SLCO3A1: variants seen among roughly 807,000 people sequenced by gnomAD.
The protein encoded by SLCO3A1 is solute carrier organic anion transporter family member 3A1, also known as PGE1 transporter.
SLCO3A1 carries 27 observed loss-of-function variants against 63.1 expected under a neutral mutation model. The observed-to-expected ratio is 0.43, with a 90% CI of 0.32 to 0.59. SLCO3A1 has a LOEUF of 0.59. Ranked by LOEUF, SLCO3A1 falls within the 20% of genes least tolerant of loss-of-function variation. SLCO3A1 has a pLI of 0.09. For missense variants in SLCO3A1, 773 were observed against 945.8 expected, an observed-to-expected ratio of 0.82 and a Z score of 2.40; for synonymous variants, 473 against 409.9, an observed-to-expected ratio of 1.15 and a Z score of -1.86.
In SLCO3A1 at chr15:92,147,056, A is replaced by G. The variant is rs1171113585; in HGVS notation, c.1585A>G (p.Ser529Gly). Residue 529 changes from serine to glycine, a missense_variant, in exon 8 of 10, where the codon AGT becomes GGT. Ser to Gly is a moderately conservative substitution (Grantham distance 56). This residue lies in a region of SLCO3A1 where 565 missense variants were observed against 749.8 expected (regional missense o/e 0.75). Transcript: ENST00000318445. Reference sequence around the variant, plus strand: ...AACCGTGGTTCCTGGAAAATGCCCCAGTCCTGGGTGCCAAGAGGCCTTCCT... The same window carrying G: ...AACCGTGGTTCCTGGAAAATGCCCCGGTCCTGGGTGCCAAGAGGCCTTCCT... ...NATVVPGKCP[S>G]PGCQEAFLTF... The G allele has an allele frequency of 6.2e-7, 1 of 1,614,226 alleles. No individual in the cohort carries two copies. The highest frequency in any genetic ancestry group is 8.5e-7 in the Non-Finnish European group (1 of 1,180,030).
rs1301869403 is a variant in SLCO3A1 at position 92,133,356 on chromosome 15, A to C, written c.1512+4867A>C. ...TCTCTTTTTTCTTCTCACCATGACCATATTTGCCCACTATAAAAACCAACT... is the reference window on the plus strand; with the variant it reads ...TCTCTTTTTTCTTCTCACCATGACCCTATTTGCCCACTATAAAAACCAACT... On this transcript the variant is annotated intron_variant, in intron 7 of 9. Transcript: ENST00000318445. Among the ~76,000 whole-genome samples, 4 of 146,258 alleles carry C rather than the reference A, an allele frequency of 2.7e-5. 1 individual carries two copies. The highest frequency in any genetic ancestry group is 9.9e-5 in the African/African-American group (4 of 40,300).
intron 1 of SLCO3A1, among the ~76,000 whole-genome samples, chr15:91,914,623 G>A (rs901422963): frequency 1.4e-5 from 2 of 144,100 alleles, no homozygotes; most frequent in African/African-American, 5.2e-5. Context: ...AAACTGGAGT[G>A]CAGTGGTGTG....
intron 2 of SLCO3A1, among the ~76,000 whole-genome samples, chr15:91,917,610 G>C (rs912169742): frequency 2.0e-5 from 3 of 152,186 alleles, no homozygotes; most frequent in Admixed American, 2.0e-4. Context: ...CCATTCAGAG[G>C]ATGGAGCACC....
At chr15:91,971,890 G>A (rs1900889530) in intron 2 of SLCO3A1, among the ~76,000 whole-genome samples, 1 of 152,148 alleles carries the variant, frequency 6.6e-6, no homozygotes, top group South Asian at 2.1e-4. Flanking sequence ...TGCAGTTTGA[G>A]TATCCCTGAT....
At chr15:91,906,187 A>G (rs951949195) in intron 1 of SLCO3A1, among the ~76,000 whole-genome samples, 2 of 152,140 alleles carry the variant, frequency 1.3e-5, no homozygotes, top group Admixed American at 6.5e-5. Context: ...AGTAATAACA[A>G]ATGTTCAACA....
intron 7 of SLCO3A1, among the ~76,000 whole-genome samples, chr15:92,144,742 G>A (rs560121793): frequency 1.3e-5 from 2 of 152,324 alleles, no homozygotes; most frequent in East Asian, 3.9e-4. Context: ...GCGAATTCGG[G>A]GGAGATACTT....
intron 2 of SLCO3A1, among the ~76,000 whole-genome samples, chr15:92,004,180 G>GA (rs1188969933): frequency 6.6e-6 from 1 of 152,172 alleles, no homozygotes; most frequent in Admixed American, 6.5e-5. Flanking sequence ...GAAAGGTGGA[G>GA]AGCCATGCTG....
At position 91,862,247 on chromosome 15, in the gene SLCO3A1, G is replaced by A. The variant is rs1031146475; in HGVS notation, c.180+8159G>A. 1.4e-4 allele frequency among the ~76,000 whole-genome samples: 21 copies of A among 151,514 alleles called. No homozygotes were observed. Among genetic ancestry groups the A allele is most frequent in the African/African-American group, 4.6e-4 (19 of 41,220 alleles). Reference sequence around the variant, plus strand: ...CAGCTCACTGCAACCTCTGCCTCCCGGGTTCAAGCAATTCTCCTGCCTCAG... The same window carrying A: ...CAGCTCACTGCAACCTCTGCCTCCCAGGTTCAAGCAATTCTCCTGCCTCAG... On this transcript the variant is annotated intron_variant, in intron 1 of 9. Transcript: ENST00000318445. The surrounding 1 kb of genome is among the most constrained non-coding windows in gnomAD (Gnocchi z 4.0).
At chr15:92,161,084 A>G (rs2151603142) in intron 9 of SLCO3A1, among the ~76,000 whole-genome samples, 1 of 152,352 alleles carries the variant, frequency 6.6e-6, no homozygotes, top group South Asian at 2.1e-4. Context: ...CACTCCAGAC[A>G]GAGGTATAGA....
At chr15:91,988,224 G>A (rs1286826078) in intron 2 of SLCO3A1, among the ~76,000 whole-genome samples, 5 of 151,966 alleles carry the variant, frequency 3.3e-5, no homozygotes, top group Non-Finnish European at 7.4e-5. Flanking sequence ...GCAATGTGGC[G>A]AAACCTCGTC....
At chr15:92,025,347 T>C (rs1385512706) in intron 2 of SLCO3A1, among the ~76,000 whole-genome samples, 1 of 152,186 alleles carries the variant, frequency 6.6e-6, no homozygotes, top group Non-Finnish European at 1.5e-5. Flanking sequence ...ATTTTAAGGC[T>C]GTGGATGATA....
intron 2 of SLCO3A1, among the ~76,000 whole-genome samples, chr15:92,068,919 G>A (rs2047182690): frequency 6.6e-6 from 1 of 152,154 alleles, no homozygotes; most frequent in South Asian, 2.1e-4. Flanking sequence ...AACACGCTGG[G>A]TCACACAACT....
chr15:92,128,933 C>G (rs111762881), intron 7 of SLCO3A1, among the ~76,000 whole-genome samples: 6 of 152,244 alleles, frequency 3.9e-5, no homozygotes, highest in African/African-American at 1.4e-4. Context: ...TTGCCATTTT[C>G]CTCCTAACTA....
At chr15:91,923,964 G>A (rs936879229) in intron 2 of SLCO3A1, among the ~76,000 whole-genome samples, 7 of 152,198 alleles carry the variant, frequency 4.6e-5, no homozygotes, top group African/African-American at 1.2e-4. Flanking sequence ...CCTTGTCGAC[G>A]TTGGCTGAAA....
At chr15:91,995,202 T>A (rs1194975890) in intron 2 of SLCO3A1, among the ~76,000 whole-genome samples, 1 of 152,078 alleles carries the variant, frequency 6.6e-6, no homozygotes, top group Non-Finnish European at 1.5e-5. Flanking sequence ...GGGTGGTGAT[T>A]TACGGGAGAG....
chr15:92,120,334 G>T, intron 4 of SLCO3A1, 131 bp from the exon 5 acceptor site: 2 of 860,062 alleles, frequency 2.3e-6, no homozygotes, highest in Non-Finnish European at 3.5e-6. Flanking sequence ...TTAGCAACTG[G>T]GTACCTCTGG....
At chr15:92,166,359 G>A (rs1348554282), downstream of SLCO3A1, among the ~76,000 whole-genome samples, 1 of 152,174 alleles carries the variant, frequency 6.6e-6, no homozygotes, top group Non-Finnish European at 1.5e-5. Context: ...AGCTCCTAAG[G>A]AATCATTTGA....
chr15:92,069,421 C>G (rs17695712), intron 2 of SLCO3A1, among the ~76,000 whole-genome samples: 18,725 of 152,252 alleles, frequency 0.12, 1,320 homozygotes, highest in East Asian at 0.27. Flanking sequence ...GTAGTTCTCA[C>G]TGAAAGGTCA....
rs531279969 is a variant in SLCO3A1 at position 91,872,003 on chromosome 15, T to A, written c.180+17915T>A. Among the ~76,000 whole-genome samples, 6 of 152,288 alleles carry A rather than the reference T, an allele frequency of 3.9e-5. No homozygotes were observed. The highest frequency in any genetic ancestry group is 2.6e-4 in the Admixed American group (4 of 15,294). ...CTGATACAAATTCTGGTTGCTCATT[T>A]CTTTTCATTGTTTTGCTTTTCAGAA... On this transcript the variant is annotated intron_variant, in intron 1 of 9. Coordinates refer to ENST00000318445, the MANE Select transcript of SLCO3A1 (RefSeq NM_013272.4). The surrounding 1 kb of genome is among the most constrained non-coding windows in gnomAD (Gnocchi z 4.1).
Sources: allele counts gnomAD v4.1 joint callset (sites outside exome capture counted in the v4.1 genomes callset), GRCh38; gene constraint gnomAD v4.1.1; regional missense constraint gnomAD v4.1.1; non-coding constraint Gnocchi (gnomAD v3.1); transcripts MANE v1.5; gene names NCBI Gene and HGNC (gene_info 2026-07-23, HGNC 2026-07-21).